Variants in MALRD1 observed in about 807,000 individuals in gnomAD.
MALRD1 encodes the protein MAM and LDL-receptor class A domain-containing protein 1.
A neutral mutation model predicts 242.1 loss-of-function variants in MALRD1; 247 were observed. The ratio of observed to expected loss-of-function variants is 1.02; its 90% CI spans 0.92 to 1.13. The LOEUF (loss-of-function observed/expected upper bound fraction) is 1.13, where lower values mean the gene tolerates loss of function less well. Among genes scored for constraint, MALRD1 ranks in the 50% most tolerant of loss-of-function variants. The pLI is 0.00. For synonymous variants in MALRD1, 995 were observed against 866.6 expected (o/e 1.15, Z -2.60); for missense variants, 2,989 against 2,533.1 (o/e 1.18, Z -3.86).
chr10:19,290,476 A>G lies in MALRD1; in HGVS notation c.3419+7295A>G, dbSNP rs117478212. Reference sequence around the variant, plus strand: ...GAAATATTGCTCTCAACTATAATGCAATGGAAAGATAAAGTAAAAATCATT... The same window carrying G: ...GAAATATTGCTCTCAACTATAATGCGATGGAAAGATAAAGTAAAAATCATT... On this transcript the variant is annotated intron_variant, in intron 21 of 39. Transcript: ENST00000454679. 92 of 152,310 alleles carry G rather than the reference A, an allele frequency of 6.0e-4. 1 individual carries two copies. The East Asian group carries it at 0.016, about 27-fold the overall frequency. The allele number at this position is 152,310 out of a possible 1,614,324, so 9.4% of individuals were successfully genotyped here. A position where few individuals can be genotyped will look rare whatever the true frequency, so the allele number is the denominator to read the frequency against.
Position 19,123,599 on chromosome 10 carries a change from T to A in MALRD1, c.796+6T>A, listed in dbSNP as rs928536504. 8.1e-7 allele frequency: 1 copy of A among 1,227,540 alleles called. No homozygotes were observed. Among genetic ancestry groups the A allele is most frequent in the Non-Finnish European group, 1.0e-6 (1 of 982,402 alleles). 76.0% of individuals were successfully genotyped at this position (1,227,540 alleles called of 1,614,324 possible). ...TACAGATGAAGAGTTGAGATGTAAG[T>A]GTTAAATTGAGATATTCACTTTTCT... On this transcript the variant is annotated splice_donor_region_variant and intron_variant, in intron 6 of 39. Transcript: ENST00000454679.
intron 31 of MALRD1, among the ~76,000 whole-genome samples, chr10:19,524,697 A>G (rs1217409143): frequency 6.6e-6 from 1 of 150,488 alleles, no homozygotes; most frequent in Non-Finnish European, 1.5e-5. Flanking sequence ...AAAAACTATT[A>G]GCCAGCTTTA....
chr10:19,676,780 A>G (rs1205171762), intron 36 of MALRD1, among the ~76,000 whole-genome samples: 1 of 152,132 alleles, frequency 6.6e-6, no homozygotes, highest in Non-Finnish European at 1.5e-5. Context: ...TCACCTGCGT[A>G]TTAAGCCTGG....
At chr10:19,322,526 C>G (rs1052599556) in intron 21 of MALRD1, among the ~76,000 whole-genome samples, 4 of 152,096 alleles carry the variant, frequency 2.6e-5, no homozygotes, top group African/African-American at 9.7e-5. Flanking sequence ...TAACACCATA[C>G]ATGGAACTGT....
intron 14 of MALRD1, among the ~76,000 whole-genome samples, chr10:19,177,377 C>T (rs1835306816): frequency 1.3e-5 from 2 of 150,242 alleles, no homozygotes; most frequent in South Asian, 4.3e-4. Context: ...AATTAAATAC[C>T]ACATCACCGG....
Position 19,432,614 on chromosome 10 carries a change from T to G in MALRD1, c.4846-17693T>G, listed in dbSNP as rs190239306. On this transcript the variant is annotated intron_variant, in intron 28 of 39. Transcript: ENST00000454679. ...AGAAAGGGCTTGTCCTCATGAATCT[T>G]AAATTGTGATAGGAAGACAGACAAT... Among the ~76,000 whole-genome samples, 317 of 152,300 alleles carry G rather than the reference T, an allele frequency of 2.1e-3. 2 individuals carry two copies. Among genetic ancestry groups the G allele is most frequent in the African/African-American group, 7.3e-3 (303 of 41,564 alleles).
At chr10:19,138,587 AT>A (rs551189709) in intron 10 of MALRD1, among the ~76,000 whole-genome samples, 85 of 151,774 alleles carry the variant, frequency 5.6e-4, no homozygotes, top group African/African-American at 1.6e-3. Context: ...TACCCAGATA[AT>A]TTTTGTATTT....
chr10:19,727,876 C>T (rs1480560288), intron 38 of MALRD1, among the ~76,000 whole-genome samples: 1 of 151,678 alleles, frequency 6.6e-6, no homozygotes, highest in African/African-American at 2.4e-5. Flanking sequence ...ATGTAAGGAT[C>T]CACCATTTTA....
chr10:19,678,099 G>A (rs910673357), intron 36 of MALRD1, among the ~76,000 whole-genome samples: 4 of 152,140 alleles, frequency 2.6e-5, no homozygotes, highest in Non-Finnish European at 5.9e-5. Flanking sequence ...AAGCCAGGTA[G>A]CATGATGCTT....
chr10:19,056,370 G>A (rs938288913), intron 1 of MALRD1, among the ~76,000 whole-genome samples: 19 of 150,764 alleles, frequency 1.3e-4, no homozygotes, highest in Middle Eastern at 3.4e-3. Context: ...TTTAATTCTC[G>A]GTGTTTTATA....
intron 29 of MALRD1, among the ~76,000 whole-genome samples, chr10:19,467,392 CAAAAAAAA>C (rs71387079): frequency 2.6e-4 from 14 of 53,766 alleles, no homozygotes; most frequent in South Asian, 1.6e-3. Flanking sequence ...GACTCCGTCT[CAAAAAAAA>C]AAAAAAAAAA....
At chr10:19,168,106 T>C (rs1834776633) in intron 13 of MALRD1, among the ~76,000 whole-genome samples, 1 of 152,200 alleles carries the variant, frequency 6.6e-6, no homozygotes, top group Non-Finnish European at 1.5e-5. Context: ...TGATCAGAAC[T>C]CTAGGCTCGA....
intron 38 of MALRD1, among the ~76,000 whole-genome samples, chr10:19,712,155 C>CT: frequency 6.6e-6 from 1 of 152,084 alleles, no homozygotes; most frequent in Non-Finnish European, 1.5e-5. Context: ...CTATGGAACA[C>CT]TTGGGTCAGC....
intron 18 of MALRD1, among the ~76,000 whole-genome samples, chr10:19,233,110 G>A (rs147501958): frequency 6.6e-6 from 1 of 152,066 alleles, no homozygotes; most frequent in African/African-American, 2.4e-5. Flanking sequence ...ATATTTGTGG[G>A]GTACATGAGA....
At chr10:19,195,436 C>T (rs536305530) in intron 14 of MALRD1, among the ~76,000 whole-genome samples, 9 of 152,196 alleles carry the variant, frequency 5.9e-5, no homozygotes, top group East Asian at 5.8e-4. Flanking sequence ...CTTTAAATGC[C>T]GTTGATATGA....
intron 38 of MALRD1, among the ~76,000 whole-genome samples, chr10:19,728,200 TG>T (rs1490878730): frequency 6.6e-6 from 1 of 152,206 alleles, no homozygotes; most frequent in African/African-American, 2.4e-5. Context: ...ATACTCACAC[TG>T]AAACCCTTTC....
chr10:19,270,775 A>G (rs1169205427), intron 19 of MALRD1, among the ~76,000 whole-genome samples: 1 of 149,520 alleles, frequency 6.7e-6, no homozygotes, highest in East Asian at 2.0e-4. Context: ...AAACTTTTTC[A>G]GGAAAGAGGG....
chr10:19,088,462 A>C (rs2131298507), intron 4 of MALRD1, among the ~76,000 whole-genome samples: 1 of 148,864 alleles, frequency 6.7e-6, no homozygotes, highest in African/African-American at 2.5e-5. Flanking sequence ...TAACCTTTTA[A>C]TTTTCTCCTA....
In MALRD1 at chr10:19,521,793, A is replaced by G. The variant is rs140762685; in HGVS notation, c.5321-9401A>G. Among the ~76,000 whole-genome samples the G allele has an allele frequency of 2.1e-3, 321 of 152,216 alleles. 2 individuals are homozygous for G. The highest frequency in any genetic ancestry group is 6.4e-3 in the African/African-American group (264 of 41,554). ...CATACTATCATTTGCCCACTAGGTA[A>G]TTGTTAGTATCTCCAAGTCACATAT... On this transcript the variant is annotated intron_variant, in intron 31 of 39. Transcript: ENST00000454679.
Sources: allele counts gnomAD v4.1 joint callset (sites outside exome capture counted in the v4.1 genomes callset), GRCh38; gene constraint gnomAD v4.1.1; transcripts MANE v1.5; gene names NCBI Gene and HGNC (gene_info 2026-07-23, HGNC 2026-07-21).